The following PIGU variants were observed in gnomAD, a reference collection of about 807,000 sequenced individuals.
PIGU encodes the protein phosphatidylinositol glycan anchor biosynthesis class U, also known as GPI-anchor transamidase component PIGU.
A neutral mutation model predicts 49.9 loss-of-function variants in PIGU; 24 were observed. The ratio of observed to expected loss-of-function variants is 0.48; its 90% CI spans 0.35 to 0.68. PIGU has a LOEUF of 0.68. Among genes scored for constraint, PIGU ranks in the 30% least tolerant of loss-of-function variants. PIGU has a pLI of 0.01. For synonymous variants in PIGU, 220 were observed against 205.7 expected (o/e 1.07, Z -0.59); for missense variants, 490 against 532.6 (o/e 0.92, Z 0.79).
chr20:34,658,805 C>G lies in PIGU; in HGVS notation c.131-1561G>C, dbSNP rs1249484386. 3.1e-4 allele frequency among the ~76,000 whole-genome samples: 47 copies of G among 151,806 alleles called. 1 individual carries two copies. Among genetic ancestry groups the G allele is most frequent in the Non-Finnish European group, 4.4e-4 (30 of 67,900 alleles). On this transcript the variant is annotated intron_variant, in intron 1 of 11. Coordinates refer to ENST00000217446, the MANE Select transcript of PIGU (RefSeq NM_080476.5). ...GGAGCCCCTCCGCCTGGCAGCCGCC[C>G]CGTCTGAGAAGCGAGGAGCCCCTCC...
At chr20:34,675,070 G>T (rs6087614) in intron 1 of PIGU, among the ~76,000 whole-genome samples, 1 of 151,228 alleles carries the variant, frequency 6.6e-6, no homozygotes, top group Non-Finnish European at 1.5e-5. Flanking sequence ...CCAACATGGA[G>T]AACCCCTGTC....
In PIGU at chr20:34,665,687, A is replaced by G. The variant is rs143069446; in HGVS notation, c.131-8443T>C. 4.9e-3 allele frequency among the ~76,000 whole-genome samples: 749 copies of G among 152,214 alleles called. 6 individuals carry two copies. The highest frequency in any genetic ancestry group is 0.01 in the Middle Eastern group (3 of 294). On this transcript the variant is annotated intron_variant, in intron 1 of 11. Transcript: ENST00000217446. ...ATTTAGTTTTAATGATAAACTTATTACTATCCTTACTTTTCTAATTTTGGT... is the reference window on the plus strand; with the variant it reads ...ATTTAGTTTTAATGATAAACTTATTGCTATCCTTACTTTTCTAATTTTGGT...
At chr20:34,673,123 G>A (rs956012974) in intron 1 of PIGU, among the ~76,000 whole-genome samples, 9 of 151,604 alleles carry the variant, frequency 5.9e-5, no homozygotes, top group Admixed American at 5.9e-4. Context: ...GTGTGGTGGC[G>A]GGTGCCTGTA....
At chr20:34,658,387 G>A (rs1304767910) in intron 1 of PIGU, among the ~76,000 whole-genome samples, 5 of 152,198 alleles carry the variant, frequency 3.3e-5, no homozygotes, top group Non-Finnish European at 5.9e-5. Flanking sequence ...CCAAAGTGCC[G>A]AGATTGCAGC....
chr20:34,626,752 A>T lies in PIGU; in HGVS notation c.529+7863T>A, dbSNP rs117122881. Among the ~76,000 whole-genome samples, 989 of 152,320 alleles carry T rather than the reference A, an allele frequency of 6.5e-3. 5 individuals are homozygous for T. Among genetic ancestry groups the T allele is most frequent in the Admixed American group, 0.016 (241 of 15,300 alleles). ...TACCAATTTCAGAGGCAAAAAACAA[A>T]AAAAGCTTTCAAAAGTTTTTAAATT... On this transcript the variant is annotated intron_variant, in intron 6 of 11. Coordinates refer to ENST00000217446, the MANE Select transcript of PIGU (RefSeq NM_080476.5).
At chr20:34,659,322 GGCCAGCCGCCCC>G (rs1986850748) in intron 1 of PIGU, among the ~76,000 whole-genome samples, 16 of 132,498 alleles carry the variant, frequency 1.2e-4, no homozygotes, top group African/African-American at 4.6e-4. Context: ...CCCCCCGCCC[GGCCAGCCGCCCC>G]GTCCGGGAGG....
At chr20:34,647,420 C>A (rs773725476) in intron 2 of PIGU, among the ~76,000 whole-genome samples, 1 of 151,644 alleles carries the variant, frequency 6.6e-6, no homozygotes, top group Non-Finnish European at 1.5e-5. Context: ...CGCCACCACA[C>A]CTGGCTAATT....
chr20:34,616,160 A>G (rs1984999169), intron 6 of PIGU, 21 bp from the exon 7 acceptor site: 2 of 1,611,174 alleles, frequency 1.2e-6, no homozygotes, highest in Non-Finnish European at 1.7e-6. Context: ...AAAGAAATGT[A>G]TGGAATAATC....
intron 1 of PIGU, among the ~76,000 whole-genome samples, chr20:34,662,888 C>T (rs146446327): frequency 8.9e-4 from 136 of 152,160 alleles, no homozygotes; most frequent in African/African-American, 2.9e-3. Context: ...TATTATTTTA[C>T]AATTATTCAA....
At chr20:34,580,386 A>C (rs1418929897) in intron 10 of PIGU, among the ~76,000 whole-genome samples, 1 of 152,242 alleles carries the variant, frequency 6.6e-6, no homozygotes, top group African/African-American at 2.4e-5. Flanking sequence ...CATCACCTGC[A>C]GGCGTAGCCC....
intron 1 of PIGU, among the ~76,000 whole-genome samples, chr20:34,659,438 G>A (rs1986857890): frequency 6.8e-6 from 1 of 147,420 alleles, no homozygotes; most frequent in Non-Finnish European, 1.5e-5. Flanking sequence ...GGGGGGGTCA[G>A]CCCCCGGCCC....
intron 7 of PIGU, among the ~76,000 whole-genome samples, chr20:34,591,925 C>A (rs1290717441): frequency 6.6e-6 from 1 of 152,180 alleles, no homozygotes; most frequent in African/African-American, 2.4e-5. Flanking sequence ...TGTTGGCTCA[C>A]GCCTGTAATC....
At chr20:34,645,665 G>A (rs1356636531) in intron 2 of PIGU, among the ~76,000 whole-genome samples, 1 of 152,148 alleles carries the variant, frequency 6.6e-6, no homozygotes, top group Non-Finnish European at 1.5e-5. Flanking sequence ...GGAGGCTGAG[G>A]CAGGCAGATC....
At chr20:34,629,644 G>A (rs1029105940) in intron 6 of PIGU, among the ~76,000 whole-genome samples, 2 of 152,158 alleles carry the variant, frequency 1.3e-5, no homozygotes, top group African/African-American at 4.8e-5. Context: ...GTTGTTTTAA[G>A]CTACTGAATT....
intron 7 of PIGU, among the ~76,000 whole-genome samples, chr20:34,608,185 G>A (rs1333495971): frequency 2.7e-5 from 4 of 148,646 alleles, no homozygotes; most frequent in Non-Finnish European, 5.9e-5. Flanking sequence ...AGCGATTCTC[G>A]TGCCTCAGCC....
intron 4 of PIGU, 118 bp from the exon 5 acceptor site, chr20:34,638,103 T>C (rs1986026024): frequency 7.1e-7 from 1 of 1,409,628 alleles, no homozygotes; most frequent in African/African-American, 1.5e-5. Flanking sequence ...GGTCTGGCCC[T>C]ACCTCTCCAG....
intron 7 of PIGU, 61 bp from the exon 8 acceptor site, chr20:34,588,668 C>A: frequency 6.6e-7 from 1 of 1,504,412 alleles, no homozygotes; most frequent in South Asian, 1.2e-5. Context: ...CAGCTATTAG[C>A]TTACACTTAA....
intron 1 of PIGU, among the ~76,000 whole-genome samples, chr20:34,661,075 A>G (rs186895906): frequency 4.6e-5 from 7 of 152,352 alleles, no homozygotes; most frequent in Non-Finnish European, 1.5e-5. Context: ...TCTATATTTA[A>G]TGAAGAAAAG....
At chr20:34,588,708 A>G in intron 7 of PIGU, 101 bp from the exon 8 acceptor site, 1 of 1,143,814 alleles carries the variant, frequency 8.7e-7, no homozygotes, top group Non-Finnish European at 1.2e-6. Flanking sequence ...ATACTATGAT[A>G]CACAGGTTTA....
Sources: allele counts gnomAD v4.1 joint callset (sites outside exome capture counted in the v4.1 genomes callset), GRCh38; gene constraint gnomAD v4.1.1; transcripts MANE v1.5; gene names NCBI Gene and HGNC (gene_info 2026-07-23, HGNC 2026-07-21).